Variants in NRG4 observed in about 807,000 individuals in gnomAD.
NRG4 encodes neuregulin 4, also known as pro-neuregulin-4, membrane-bound isoform.
Under a neutral mutation model 15.0 loss-of-function variants are expected in NRG4, and 10 were observed. The observed-to-expected ratio is 0.67, with a 90% CI of 0.41 to 1.13. NRG4 has a LOEUF of 1.13. Among genes scored for constraint, NRG4 ranks in the 50% most tolerant of loss-of-function variants. The probability of loss-of-function intolerance (pLI) is 0.00; values close to 1 mark genes in which losing one functional copy is unlikely to be tolerated. For synonymous variants in NRG4, 41 were observed against 50.1 expected, an observed-to-expected ratio of 0.82 and a Z score of 0.77; for missense variants, 139 against 140.2, an observed-to-expected ratio of 0.99 and a Z score of 0.04.
chr15:75,960,831 A>C lies in NRG4; in HGVS notation c.251+997T>G, dbSNP rs75830952. ...ATCTGATACAATGGGCTTGTATTTA[A>C]ATTTTTGTATCTGAAGTAGTCAGAT... On this transcript the variant is annotated intron_variant, in intron 4 of 5. Transcript: ENST00000394907. Among the ~76,000 whole-genome samples the C allele has an allele frequency of 4.6e-5, 7 of 152,326 alleles. No individual in the cohort carries two copies. The East Asian group carries it at 1.3e-3, about 29-fold the overall frequency.
rs545296997 is a variant in NRG4 at position 76,058,885 on chromosome 15, A to G, written c.-328+770T>C. Among the ~76,000 whole-genome samples, 4 of 152,322 alleles carry G rather than the reference A, an allele frequency of 2.6e-5. No homozygotes were observed. The South Asian group carries it at 8.3e-4, about 32-fold the overall frequency. ...ACAGCAGCCCTTGCAAACATTAATT[A>G]GAGTAGTACCCATTATGGGTGAGGA... On this transcript the variant is annotated intron_variant, in intron 1 of 8. Coordinates refer to the NRG4 transcript ENST00000563910.
intron 4 of NRG4, among the ~76,000 whole-genome samples, chr15:76,047,796 A>G (rs2035907778): frequency 6.6e-6 from 1 of 151,176 alleles, no homozygotes; most frequent in Non-Finnish European, 1.5e-5. Context: ...TGATTTAATA[A>G]TAAAGATTCA....
At chr15:76,044,752 A>G (rs2035829577) in intron 4 of NRG4, among the ~76,000 whole-genome samples, 1 of 149,278 alleles carries the variant, frequency 6.7e-6, no homozygotes, top group Admixed American at 6.6e-5. Context: ...GAGGCAGGAG[A>G]ATGGCATGAA....
chr15:76,004,457 A>C (rs1006429924), intron 3 of NRG4, among the ~76,000 whole-genome samples: 1 of 151,854 alleles, frequency 6.6e-6, no homozygotes, highest in Non-Finnish European at 1.5e-5. Flanking sequence ...AAAATTAGCC[A>C]GGCATGGTGG....
At chr15:76,057,408 T>G (rs1249181979) in intron 1 of NRG4, among the ~76,000 whole-genome samples, 1 of 152,124 alleles carries the variant, frequency 6.6e-6, no homozygotes, top group African/African-American at 2.4e-5. Flanking sequence ...CAAGTGAAAG[T>G]GAGATCTGTG....
At chr15:75,951,780 G>T (rs546220060) in intron 5 of NRG4, among the ~76,000 whole-genome samples, 1 of 152,036 alleles carries the variant, frequency 6.6e-6, no homozygotes, top group Non-Finnish European at 1.5e-5. Context: ...TATGTATGTT[G>T]TAAGTCCCAT....
chr15:75,939,396 A>G (rs1162348817), downstream of NRG4: 1 of 152,196 alleles, frequency 6.6e-6, no homozygotes, highest in East Asian at 1.9e-4. Context: ...CAATAGAACT[A>G]TAACCAGTAA....
At chr15:75,937,300 G>C (rs182012677), downstream of NRG4, 1 of 151,418 alleles carries the variant, frequency 6.6e-6, no homozygotes, top group Non-Finnish European at 1.5e-5. Flanking sequence ...ACGAGGTCAG[G>C]AGATCGAGAC....
chr15:75,982,942 T>C, intron 3 of NRG4, among the ~76,000 whole-genome samples: 1 of 152,028 alleles, frequency 6.6e-6, no homozygotes, highest in East Asian at 1.9e-4. Context: ...ACCTTCTACA[T>C]AAGAAAACAT....
At chr15:75,961,352 G>T (rs2032512034) in intron 4 of NRG4, among the ~76,000 whole-genome samples, 1 of 150,602 alleles carries the variant, frequency 6.6e-6, no homozygotes, top group Admixed American at 6.6e-5. Context: ...TCTCCAAATT[G>T]ATTTAAGTAT....
chr15:76,012,857 A>G (rs1235746304), upstream of NRG4, among the ~76,000 whole-genome samples: 1 of 152,244 alleles, frequency 6.6e-6, no homozygotes, highest in African/African-American at 2.4e-5. Flanking sequence ...GGTAATAGCT[A>G]TAATAAAACT....
At chr15:75,938,577 A>T (rs1020585245), downstream of NRG4, 1 of 152,266 alleles carries the variant, frequency 6.6e-6, no homozygotes, top group Non-Finnish European at 1.5e-5. Context: ...CAGAATATCA[A>T]CAGATAGGCA....
intron 4 of NRG4, among the ~76,000 whole-genome samples, chr15:76,040,614 C>A (rs767045144): frequency 2.0e-5 from 3 of 152,030 alleles, no homozygotes; most frequent in Non-Finnish European, 4.4e-5. Flanking sequence ...AAATGATGAA[C>A]CAATCAAAAA....
chr15:75,944,446 T>A (rs1381299421), intron 5 of NRG4, among the ~76,000 whole-genome samples: 1 of 152,158 alleles, frequency 6.6e-6, no homozygotes, highest in Non-Finnish European at 1.5e-5. Flanking sequence ...TGCTAAGACT[T>A]CAGGCTGTGG....
chr15:75,977,323 G>A lies in NRG4; in HGVS notation c.105-15349C>T, dbSNP rs1344951116. On this transcript the variant is annotated intron_variant, in intron 3 of 5. Transcript: ENST00000394907. This position sits in a 1 kb window ranked among gnomAD's most constrained non-coding sequence, Gnocchi z 4.9. ...CCTGGCTTCAGCCCCCTTTCCAGGG[G>A]AGTGAACGGTTCTGTCTCACTGGTG... is the stretch of plus-strand genomic sequence containing the variant. Among the ~76,000 whole-genome samples the A allele has an allele frequency of 6.6e-6, 1 of 152,168 alleles. No individual in the cohort carries two copies. The highest frequency in any genetic ancestry group is 1.5e-5 in the Non-Finnish European group (1 of 68,026).
chr15:76,000,099 G>C (rs577483971), intron 3 of NRG4, among the ~76,000 whole-genome samples: 2 of 152,100 alleles, frequency 1.3e-5, no homozygotes, highest in Non-Finnish European at 2.9e-5. Context: ...GGCCAGGCTG[G>C]TCTGGAACTC....
chr15:76,056,555 C>G (rs561770125), intron 2 of NRG4, among the ~76,000 whole-genome samples: 14 of 152,078 alleles, frequency 9.2e-5, no homozygotes, highest in Non-Finnish European at 2.1e-4. Flanking sequence ...AAATACCACA[C>G]AAAGTCACAT....
rs1336609279 is a variant in NRG4 at position 75,977,168 on chromosome 15, C to T, written c.105-15194G>A. Among the ~76,000 whole-genome samples the T allele has an allele frequency of 6.6e-6, 1 of 152,118 alleles. No individual in the cohort carries two copies. Among genetic ancestry groups the T allele is most frequent in the Non-Finnish European group, 1.5e-5 (1 of 68,026 alleles). On this transcript the variant is annotated intron_variant, in intron 3 of 5. Transcript: ENST00000394907. This position sits in a 1 kb window ranked among gnomAD's most constrained non-coding sequence, Gnocchi z 4.9. Reference sequence around the variant, plus strand: ...CCCACTCAAGCCTCCAGATGCCCCTCCCCCAACCAAGACTGAGCATCCCAG... The same window carrying T: ...CCCACTCAAGCCTCCAGATGCCCCTTCCCCAACCAAGACTGAGCATCCCAG...
At chr15:76,010,183 T>C (rs370768440) in intron 2 of NRG4, among the ~76,000 whole-genome samples, 2 of 152,090 alleles carry the variant, frequency 1.3e-5, no homozygotes, top group Non-Finnish European at 2.9e-5. Flanking sequence ...ATTGAGTCAT[T>C]ATACTAGTAA....
Sources: gnomAD v4.1 joint callset for allele counts (sites outside exome capture counted in the v4.1 genomes callset) on GRCh38, gnomAD v4.1.1 for gene constraint, Gnocchi (gnomAD v3.1) non-coding constraint, MANE v1.5 for transcripts, NCBI Gene and HGNC (gene_info 2026-07-23, HGNC 2026-07-21) for gene names.